The following CSMD1 variants were observed in gnomAD, a reference collection of about 807,000 sequenced individuals.
The protein encoded by CSMD1 is CUB and sushi domain-containing protein 1.
A neutral mutation model predicts 417.5 loss-of-function variants in CSMD1; 213 were observed. The ratio of observed to expected loss-of-function variants is 0.51; its 90% confidence interval spans 0.46 to 0.57. The LOEUF is 0.57. Among genes scored for constraint, CSMD1 ranks in the 20% least tolerant of loss-of-function variants. The pLI, the probability that CSMD1 is intolerant of heterozygous loss-of-function variation, is 0.00. For missense variants in CSMD1, 6,923 were observed against 4,529.7 expected, an observed-to-expected ratio of 1.53 and a Z score of -15.17; for synonymous variants, 2,862 against 1,736.8, an observed-to-expected ratio of 1.65 and a Z score of -16.11.
chr8:3,686,960 C>T (rs566396089), intron 7 of CSMD1, among the ~76,000 whole-genome samples: 2 of 152,150 alleles, frequency 1.3e-5, no homozygotes, highest in Non-Finnish European at 2.9e-5. Flanking sequence ...TTTCCATATC[C>T]ACATAGAAGA....
At chr8:4,093,293 T>C (rs1204945921) in intron 3 of CSMD1, among the ~76,000 whole-genome samples, 2 of 152,216 alleles carry the variant, frequency 1.3e-5, no homozygotes, top group Non-Finnish European at 2.9e-5. Context: ...ATTTATCCTA[T>C]ACAATTTAAA....
chr8:3,281,646 T>G (rs1323368226), intron 26 of CSMD1, among the ~76,000 whole-genome samples: 1 of 151,908 alleles, frequency 6.6e-6, no homozygotes, highest in African/African-American at 2.4e-5. Flanking sequence ...ATGGAGACAG[T>G]GAAAAGAGTG....
intron 8 of CSMD1, among the ~76,000 whole-genome samples, chr8:3,613,026 G>C (rs1415311672): frequency 6.6e-6 from 1 of 151,966 alleles, no homozygotes; most frequent in East Asian, 1.9e-4. Context: ...ATATTGACAT[G>C]TTAATAGGCA....
At chr8:3,893,339 T>TTATATATATATCTATATATATATATA (rs1807115496) in intron 5 of CSMD1, among the ~76,000 whole-genome samples, 1 of 80,438 alleles carries the variant, frequency 1.2e-5, no homozygotes, top group Non-Finnish European at 2.8e-5. Context: ...ATTCACAATT[T>TTATATATATATCTATATATATATATA]TATATATATA....
At chr8:4,923,942 C>G (rs1209587351) in intron 1 of CSMD1, among the ~76,000 whole-genome samples, 1 of 152,192 alleles carries the variant, frequency 6.6e-6, no homozygotes, top group Non-Finnish European at 1.5e-5. Flanking sequence ...AGTAGCTTAG[C>G]AAGCTATTCT....
At chr8:3,916,993 C>T (rs1289223054) in intron 5 of CSMD1, among the ~76,000 whole-genome samples, 3 of 152,112 alleles carry the variant, frequency 2.0e-5, no homozygotes, top group East Asian at 3.9e-4. Flanking sequence ...GGTGAAACTC[C>T]ACTGCCCTAT....
intron 26 of CSMD1, among the ~76,000 whole-genome samples, chr8:3,249,726 C>G (rs1269111423): frequency 6.7e-6 from 1 of 148,508 alleles, no homozygotes; most frequent in Non-Finnish European, 1.5e-5. Flanking sequence ...ATAATAAGCT[C>G]CAAGAAGCAA....
At chr8:3,925,988 T>C (rs1180733855) in intron 5 of CSMD1, among the ~76,000 whole-genome samples, 3 of 148,286 alleles carry the variant, frequency 2.0e-5, no homozygotes, top group African/African-American at 7.5e-5. Context: ...CAATTTACCC[T>C]ATGAAACTAA....
intron 3 of CSMD1, among the ~76,000 whole-genome samples, chr8:4,286,972 C>G (rs758707721): frequency 7.9e-5 from 12 of 152,114 alleles, no homozygotes; most frequent in Non-Finnish European, 1.5e-4. Context: ...CTGAAGGAGG[C>G]TGACATCCAC....
chr8:2,943,203 A>C (rs1048294561), intron 68 of CSMD1, among the ~76,000 whole-genome samples: 3 of 151,978 alleles, frequency 2.0e-5, no homozygotes, highest in Non-Finnish European at 4.4e-5. Context: ...CTAAAATGTA[A>C]CTTTTTAAAT....
At chr8:4,815,132 T>C (rs1386010194) in intron 1 of CSMD1, among the ~76,000 whole-genome samples, 2 of 152,068 alleles carry the variant, frequency 1.3e-5, no homozygotes, top group African/African-American at 2.4e-5. Flanking sequence ...GACATCTAGG[T>C]CAATATCAGG....
chr8:3,217,330 A>G (rs1400204662), intron 29 of CSMD1, among the ~76,000 whole-genome samples: 2 of 152,238 alleles, frequency 1.3e-5, no homozygotes, highest in Admixed American at 6.5e-5. Context: ...TTAGATGGCC[A>G]TACCGGTTAC....
chr8:4,461,449 G>C (rs924648495), intron 2 of CSMD1, among the ~76,000 whole-genome samples: 1 of 147,054 alleles, frequency 6.8e-6, no homozygotes, highest in African/African-American at 2.5e-5. Flanking sequence ...CTAGTATACA[G>C]AACATCTTAG....
intron 6 of CSMD1, among the ~76,000 whole-genome samples, chr8:3,721,612 A>G (rs1004172913): frequency 6.6e-6 from 1 of 152,168 alleles, no homozygotes; most frequent in Non-Finnish European, 1.5e-5. Context: ...TCTCAGTCCT[A>G]CCTTAATTAT....
intron 5 of CSMD1, among the ~76,000 whole-genome samples, chr8:3,981,231 A>C (rs939710329): frequency 5.9e-5 from 9 of 152,220 alleles, no homozygotes; most frequent in African/African-American, 2.2e-4. Flanking sequence ...TTCTAAGTGA[A>C]GTAACTCAGG....
chr8:4,358,186 G>A (rs930401597), intron 3 of CSMD1, among the ~76,000 whole-genome samples: 1 of 151,980 alleles, frequency 6.6e-6, no homozygotes, highest in South Asian at 2.1e-4. Flanking sequence ...CTTTATTCAG[G>A]GATGAATGTC....
At chr8:4,579,423 A>G (rs985216879) in intron 2 of CSMD1, among the ~76,000 whole-genome samples, 1 of 151,922 alleles carries the variant, frequency 6.6e-6, no homozygotes, top group African/African-American at 2.4e-5. Flanking sequence ...CAATGGCGTG[A>G]TCTCAGCTCA....
intron 4 of CSMD1, among the ~76,000 whole-genome samples, chr8:4,020,639 T>G (rs550954110): frequency 1.3e-5 from 2 of 152,286 alleles, no homozygotes; most frequent in Admixed American, 1.3e-4. Context: ...TCACTCTTCT[T>G]TATTTTTTCT....
At chr8:2,954,579 T>C (rs537809138) in intron 64 of CSMD1, among the ~76,000 whole-genome samples, 8 of 152,274 alleles carry the variant, frequency 5.3e-5, no homozygotes, top group Non-Finnish European at 1.0e-4. Context: ...CTGTTTGGAA[T>C]ACCCTGCCAC....
Sources: gnomAD v4.1 joint callset for allele counts (sites outside exome capture counted in the v4.1 genomes callset) on GRCh38, gnomAD v4.1.1 for gene constraint, MANE v1.5 for transcripts, NCBI Gene and HGNC (gene_info 2026-07-23, HGNC 2026-07-21) for gene names.